Variants in GMDS observed in about 807,000 individuals in gnomAD.
GMDS encodes GDP-mannose 4,6-dehydratase.
Under a neutral mutation model 49.9 loss-of-function variants are expected in GMDS, and 20 were observed. The observed-to-expected ratio is 0.40, with a 90% CI of 0.28 to 0.58. The LOEUF is 0.58. Among genes scored for constraint, GMDS ranks in the 20% least tolerant of loss-of-function variants. The pLI is 0.42. For synonymous variants in GMDS, 177 were observed against 178.6 expected, an observed-to-expected ratio of 0.99 and a Z score of 0.07; for missense variants, 362 against 481.4, an observed-to-expected ratio of 0.75 and a Z score of 2.32.
At chr6:1,878,572 T>C (rs548019524) in intron 7 of GMDS, among the ~76,000 whole-genome samples, 6 of 152,184 alleles carry the variant, frequency 3.9e-5, no homozygotes, top group African/African-American at 1.4e-4. Flanking sequence ...CTGCTGGCCA[T>C]GCGGGAATCT....
chr6:1,855,818 A>T (rs1193455246), intron 7 of GMDS, among the ~76,000 whole-genome samples: 1 of 152,230 alleles, frequency 6.6e-6, no homozygotes, highest in East Asian at 1.9e-4. Flanking sequence ...TACTTTTTCA[A>T]CAAATTTTAG....
At chr6:2,242,064 A>T (rs1354639384) in intron 1 of GMDS, among the ~76,000 whole-genome samples, 1 of 152,234 alleles carries the variant, frequency 6.6e-6, no homozygotes, top group Non-Finnish European at 1.5e-5. Context: ...AAAGATATGA[A>T]ATTACTTATA....
chr6:2,122,375 G>C (rs1046252413), intron 2 of GMDS, among the ~76,000 whole-genome samples: 2 of 152,192 alleles, frequency 1.3e-5, no homozygotes, highest in African/African-American at 2.4e-5. Context: ...AGAGTCTGAA[G>C]TCTGTAAGCA....
At chr6:1,707,209 T>C (rs62388309) in intron 9 of GMDS, among the ~76,000 whole-genome samples, 19,705 of 152,270 alleles carry the variant, frequency 0.13, 1,499 homozygotes, top group Middle Eastern at 0.21. Context: ...TCCATTGTGC[T>C]CACCAGAACC....
intron 4 of GMDS, among the ~76,000 whole-genome samples, chr6:2,113,889 A>G (rs1175807855): frequency 6.6e-6 from 1 of 152,186 alleles, no homozygotes; most frequent in African/African-American, 2.4e-5. Context: ...ATTTCCGCCC[A>G]TTAACTAACC....
At chr6:2,204,256 C>A (rs929684375) in intron 1 of GMDS, among the ~76,000 whole-genome samples, 1 of 152,148 alleles carries the variant, frequency 6.6e-6, no homozygotes. Context: ...CCAAGAAGTG[C>A]TCCTGCCCAC....
chr6:1,721,117 T>A (rs961731720), intron 9 of GMDS, among the ~76,000 whole-genome samples: 5 of 151,838 alleles, frequency 3.3e-5, no homozygotes, highest in East Asian at 1.9e-4. Flanking sequence ...AACAGGGCTA[T>A]GAGATAGAGC....
intron 9 of GMDS, among the ~76,000 whole-genome samples, chr6:1,634,501 GTGTTTTTCTC>G (rs1387210722): frequency 6.6e-6 from 1 of 152,188 alleles, no homozygotes; most frequent in African/African-American, 2.4e-5. Flanking sequence ...TTGTGTGTAT[GTGTTTTTCTC>G]TGTCTCTCTC....
intron 4 of GMDS, among the ~76,000 whole-genome samples, chr6:2,059,689 C>A: frequency 2.0e-5 from 1 of 50,412 alleles, no homozygotes. Context: ...GCCTGGGCGA[C>A]AGAGCGAGAC....
chr6:1,963,488 T>TA (rs1215914757), intron 4 of GMDS, among the ~76,000 whole-genome samples: 1 of 152,236 alleles, frequency 6.6e-6, no homozygotes, highest in Non-Finnish European at 1.5e-5. Context: ...GATTTACTCC[T>TA]AATGTTTTAT....
chr6:2,114,275 C>A (rs192169999), intron 4 of GMDS, among the ~76,000 whole-genome samples: 3 of 152,092 alleles, frequency 2.0e-5, no homozygotes, highest in Non-Finnish European at 4.4e-5. Context: ...ACAGAATGTT[C>A]ATTCCAAAAC....
chr6:2,216,130 A>G (rs529629426), intron 1 of GMDS, among the ~76,000 whole-genome samples: 1 of 152,342 alleles, frequency 6.6e-6, no homozygotes, highest in East Asian at 1.9e-4. Context: ...TTAAATAAAT[A>G]AGGCTGCCTT....
chr6:1,870,994 C>T (rs1182362407), intron 7 of GMDS, among the ~76,000 whole-genome samples: 1 of 151,964 alleles, frequency 6.6e-6, no homozygotes, highest in African/African-American at 2.4e-5. Context: ...GTGGCTTCCG[C>T]TAATTAGAGA....
At chr6:1,973,122 G>C (rs1764710659) in intron 4 of GMDS, among the ~76,000 whole-genome samples, 1 of 152,144 alleles carries the variant, frequency 6.6e-6, no homozygotes, top group Non-Finnish European at 1.5e-5. Flanking sequence ...CAGCCATTTT[G>C]AAATCTGCAC....
intron 9 of GMDS, among the ~76,000 whole-genome samples, chr6:1,723,484 A>G (rs1295866082): frequency 6.6e-6 from 1 of 150,536 alleles, no homozygotes; most frequent in Non-Finnish European, 1.5e-5. Context: ...CTGCCACCAT[A>G]CCCGGCTAAT....
At chr6:1,722,851 G>C (rs1342746746) in intron 9 of GMDS, among the ~76,000 whole-genome samples, 1 of 152,210 alleles carries the variant, frequency 6.6e-6, no homozygotes, top group African/African-American at 2.4e-5. Flanking sequence ...GGGGTCTTAA[G>C]TGGCACAGAA....
chr6:1,900,464 A>T (rs1760445896), intron 7 of GMDS, among the ~76,000 whole-genome samples: 1 of 152,224 alleles, frequency 6.6e-6, no homozygotes, highest in South Asian at 2.1e-4. Context: ...ACGATTAAAA[A>T]TGTGTTGATA....
At chr6:1,738,616 C>T (rs1245178995) in intron 8 of GMDS, among the ~76,000 whole-genome samples, 6 of 152,188 alleles carry the variant, frequency 3.9e-5, no homozygotes, top group African/African-American at 1.4e-4. Flanking sequence ...TGATACGGTA[C>T]AGCCTCATGT....
At chr6:2,123,477 C>T (rs935448861) in intron 2 of GMDS, among the ~76,000 whole-genome samples, 12 of 152,220 alleles carry the variant, frequency 7.9e-5, no homozygotes, top group African/African-American at 2.9e-4. Context: ...AGCCACCAAA[C>T]ATCTCTCAGC....
Sources: allele counts gnomAD v4.1 joint callset (sites outside exome capture counted in the v4.1 genomes callset), GRCh38; gene constraint gnomAD v4.1.1; transcripts MANE v1.5; gene names NCBI Gene and HGNC (gene_info 2026-07-23, HGNC 2026-07-21).